The following PIGU variants were observed in gnomAD, a reference collection of about 807,000 sequenced individuals.
PIGU encodes the protein GPI-anchor transamidase component PIGU.
PIGU carries 24 observed loss-of-function variants against 49.9 expected under a neutral mutation model. The observed-to-expected ratio is 0.48, with a 90% CI of 0.35 to 0.68. PIGU has a LOEUF of 0.68. Among genes scored for constraint, PIGU ranks in the 30% least tolerant of loss-of-function variants. The pLI, the probability that PIGU is intolerant of heterozygous loss-of-function variation, is 0.01. For synonymous variants in PIGU, 220 were observed against 205.7 expected (o/e 1.07, Z -0.59); for missense variants, 490 against 532.6 (o/e 0.92, Z 0.79).
intron 7 of PIGU, among the ~76,000 whole-genome samples, chr20:34,596,663 C>T (rs761410151): frequency 5.9e-5 from 9 of 152,072 alleles, no homozygotes; most frequent in Non-Finnish European, 1.2e-4. Context: ...GAGCGTTCTA[C>T]AAGGCCAGTA....
Position 34,560,917 on chromosome 20 carries a change from G to C in PIGU, c.1257C>G (p.Gly419=), listed in dbSNP as rs139695705. The C allele has an allele frequency of 1.1e-4, 182 of 1,613,000 alleles. No homozygotes were observed. The highest frequency in any genetic ancestry group is 1.5e-4 in the Non-Finnish European group (176 of 1,179,398). The change falls in exon 12 of 12, where the codon GGC becomes GGG. Residue 419 remains glycine, a synonymous_variant. Coordinates refer to ENST00000217446, the MANE Select transcript of PIGU (RefSeq NM_080476.5). ...TGCCATCCTTGGCGGTCAAGTAGAG[G>C]CCATGTGTGAGGTAGTACTCCCGCC... ...FLRREYYLTH[G]LYLTAKDGTE...
At chr20:34,571,186 A>AC (rs1982998996) in intron 11 of PIGU, among the ~76,000 whole-genome samples, 2 of 151,830 alleles carry the variant, frequency 1.3e-5, no homozygotes, top group Non-Finnish European at 2.9e-5. Flanking sequence ...ACTCAGGCGC[A>AC]CCCCCCACCA....
At position 34,611,879 on chromosome 20, in the gene PIGU, C is replaced by T. The variant is rs114283717; in HGVS notation, c.627+4163G>A. ...GGAAAAACAGATGCTGGCAAGGATGCGGAAAAATAGGAATGCTTTTACATT... is the reference window on the plus strand; with the variant it reads ...GGAAAAACAGATGCTGGCAAGGATGTGGAAAAATAGGAATGCTTTTACATT... On this transcript the variant is annotated intron_variant, in intron 7 of 11. Transcript: ENST00000217446. Among the ~76,000 whole-genome samples, 1,147 of 152,134 alleles carry T rather than the reference C, an allele frequency of 7.5e-3. 17 individuals carry two copies. Among genetic ancestry groups the T allele is most frequent in the African/African-American group, 0.027 (1,110 of 41,490 alleles).
chr20:34,664,368 G>A (rs1437089796), intron 1 of PIGU, among the ~76,000 whole-genome samples: 1 of 152,086 alleles, frequency 6.6e-6, no homozygotes, highest in Middle Eastern at 3.2e-3. Context: ...GCCCAGGCTG[G>A]TAAAAACATT....
chr20:34,566,460 G>A (rs558782912), intron 11 of PIGU, among the ~76,000 whole-genome samples: 64 of 152,312 alleles, frequency 4.2e-4, no homozygotes, highest in Middle Eastern at 3.4e-3. Flanking sequence ...AGAGCTCATG[G>A]GGCAGCTAGC....
At chr20:34,569,568 C>T (rs921639262) in intron 11 of PIGU, among the ~76,000 whole-genome samples, 6 of 152,152 alleles carry the variant, frequency 3.9e-5, no homozygotes, top group African/African-American at 7.2e-5. Flanking sequence ...GGCAGGCAGA[C>T]GAGAAGTCTG....
rs1241184398 is a variant in PIGU at position 34,641,055 on chromosome 20, G to A, written c.319-3070C>T. On this transcript the variant is annotated intron_variant, in intron 4 of 11. Transcript: ENST00000217446. ...ATTACAGGCGCCCACCACCGCGCCCGGCTAATTTTTATATTTTTAGTAGAG... is the reference window on the plus strand; with the variant it reads ...ATTACAGGCGCCCACCACCGCGCCCAGCTAATTTTTATATTTTTAGTAGAG... 5.3e-5 allele frequency among the ~76,000 whole-genome samples: 8 copies of A among 152,134 alleles called. No individual in the cohort carries two copies. In the East Asian group the frequency reaches 9.7e-4, roughly 18 times the overall value.
intron 11 of PIGU, 22 bp from the exon 12 acceptor site, chr20:34,561,001 G>C (rs775920310): frequency 3.9e-6 from 6 of 1,541,044 alleles, no homozygotes; most frequent in South Asian, 2.3e-5. Flanking sequence ...GAGAGGGTGT[G>C]AGGCGCTGCT....
At chr20:34,674,261 G>A (rs1043632780) in intron 1 of PIGU, among the ~76,000 whole-genome samples, 5 of 147,422 alleles carry the variant, frequency 3.4e-5, no homozygotes, top group Non-Finnish European at 7.5e-5. Flanking sequence ...AGGCTGAGAC[G>A]AGATAACAGC....
In PIGU at chr20:34,560,630, GC is replaced by G. The variant is rs1288811259; in HGVS notation, c.*235del. The G allele has an allele frequency of 2.3e-6, 1 of 440,040 alleles. No individual in the cohort carries two copies. The highest frequency in any genetic ancestry group is 3.6e-5 in the East Asian group (1 of 28,160). The allele number at this position is 440,040 out of a possible 1,614,324, so 27.3% of individuals were successfully genotyped here. On this transcript the variant is annotated 3_prime_UTR_variant, in exon 12 of 12. Transcript: ENST00000217446. ...TCTTCTCCTTCCTGTCTGGGAGGGG[GC>G]TCCTTGGTGTGCAGAGCCACAAGGT...
intron 5 of PIGU, among the ~76,000 whole-genome samples, chr20:34,637,454 T>C (rs1363002095): frequency 4.6e-5 from 7 of 152,188 alleles, no homozygotes; most frequent in African/African-American, 1.7e-4. Context: ...ATGCATCTGT[T>C]TGGCACTTCA....
chr20:34,599,730 T>C lies in PIGU; in HGVS notation c.628-11123A>G, dbSNP rs1189560126. Among the ~76,000 whole-genome samples the C allele has an allele frequency of 3.9e-5, 6 of 152,176 alleles. No homozygotes were observed. The East Asian group carries it at 9.6e-4, about 24-fold the overall frequency. ...GACATCATAACTCCATGATAAAGAC[T>C]TTAAGGATGATGGAAGTCAGCGAAG... is the stretch of plus-strand genomic sequence containing the variant. On this transcript the variant is annotated intron_variant, in intron 7 of 11. Transcript: ENST00000217446.
intron 1 of PIGU, among the ~76,000 whole-genome samples, chr20:34,676,144 C>T (rs1987491744): frequency 6.6e-6 from 1 of 151,822 alleles, no homozygotes; most frequent in Admixed American, 6.6e-5. Context: ...GTTTCTTCAT[C>T]CTATTTACTT....
intron 7 of PIGU, among the ~76,000 whole-genome samples, chr20:34,589,004 C>G (rs540694257): frequency 1.7e-4 from 26 of 151,662 alleles, no homozygotes; most frequent in Admixed American, 2.6e-4. Context: ...ATGGCTAGAT[C>G]TAAAAAATAT....
chr20:34,651,458 C>T (rs923515329), intron 2 of PIGU, among the ~76,000 whole-genome samples: 1 of 152,208 alleles, frequency 6.6e-6, no homozygotes, highest in Non-Finnish European at 1.5e-5. Flanking sequence ...TGTACTTTCC[C>T]CTCTGGGATC....
At chr20:34,602,321 G>C (rs143439022) in intron 7 of PIGU, among the ~76,000 whole-genome samples, 367 of 151,566 alleles carry the variant, frequency 2.4e-3, no homozygotes, top group African/African-American at 8.4e-3. Flanking sequence ...GTATGGCTGG[G>C]TGCGGTGGCT....
At chr20:34,600,950 C>T (rs891406813) in intron 7 of PIGU, among the ~76,000 whole-genome samples, 1 of 151,862 alleles carries the variant, frequency 6.6e-6, no homozygotes, top group South Asian at 2.1e-4. Flanking sequence ...AGGAAAATTG[C>T]TTGAACCCAG....
At chr20:34,661,034 TAA>T (rs992793250) in intron 1 of PIGU, among the ~76,000 whole-genome samples, 6 of 152,132 alleles carry the variant, frequency 3.9e-5, no homozygotes, top group East Asian at 1.9e-4. Context: ...ATTTTAAAAT[TAA>T]GAGTTAAAAT....
chr20:34,646,430 A>G (rs1404986638), intron 2 of PIGU, among the ~76,000 whole-genome samples: 2 of 152,132 alleles, frequency 1.3e-5, no homozygotes, highest in African/African-American at 4.8e-5. Flanking sequence ...TTTTTTTGAG[A>G]TGGAGTCTCG....
Sources: gnomAD v4.1 joint callset for allele counts (sites outside exome capture counted in the v4.1 genomes callset) on GRCh38, gnomAD v4.1.1 for gene constraint, MANE v1.5 for transcripts, NCBI Gene and HGNC (gene_info 2026-07-23, HGNC 2026-07-21) for gene names.